Variants in CLASP1 observed in about 807,000 individuals in gnomAD.
CLASP1 encodes cytoplasmic linker associated protein 1.
CLASP1 carries 38 observed loss-of-function variants against 192.3 expected under a neutral mutation model. That is an observed-to-expected ratio of 0.20 (90% CI 0.15 to 0.26). The LOEUF is 0.26. CLASP1 is among the 10% of genes least tolerant of loss of function. The probability of loss-of-function intolerance (pLI) is 1.00; values close to 1 mark genes in which losing one functional copy is unlikely to be tolerated. For synonymous variants in CLASP1, 691 were observed against 712.8 expected (o/e 0.97, Z 0.49); for missense variants, 1,433 against 1,932.5 (o/e 0.74, Z 4.85).
intron 18 of CLASP1, 111 bp from the exon 19 acceptor site, chr2:121,447,618 A>C: frequency 1.1e-6 from 1 of 932,130 alleles, no homozygotes; most frequent in Non-Finnish European, 1.6e-6. Flanking sequence ...AAGTTTTAAC[A>C]AATGCTGGAG....
At chr2:121,575,306 C>T (rs2060406297) in intron 2 of CLASP1, among the ~76,000 whole-genome samples, 1 of 151,910 alleles carries the variant, frequency 6.6e-6, no homozygotes, top group African/African-American at 2.4e-5. Context: ...AGGGTTTCAC[C>T]GTGTTGGCCA....
At chr2:121,447,256 G>A in intron 19 of CLASP1, 81 bp downstream of exon 19, 1 of 1,268,186 alleles carries the variant, frequency 7.9e-7, no homozygotes, top group East Asian at 2.5e-5. Context: ...CCTCAATCAT[G>A]GGTTTGTATT....
chr2:121,372,806 T>C (rs2069030762), intron 34 of CLASP1, among the ~76,000 whole-genome samples: 1 of 152,228 alleles, frequency 6.6e-6, no homozygotes, highest in South Asian at 2.1e-4. Context: ...GTCAAGGCAT[T>C]GGCTGGGAAT....
At chr2:121,565,720 C>T (rs1049482074) in intron 2 of CLASP1, among the ~76,000 whole-genome samples, 2 of 152,144 alleles carry the variant, frequency 1.3e-5, no homozygotes, top group African/African-American at 4.8e-5. Flanking sequence ...CATTATCTGA[C>T]TTAGCAACTC....
At position 121,402,063 on chromosome 2, in the gene CLASP1, A is replaced by G. The variant is rs116480228; in HGVS notation, c.2734-193T>C. ...GAGAGAAATTAACTTTTCTGTGTTT[A>G]ATCCTGAAGGCTTTTCTTTCTTAAA... On this transcript the variant is annotated intron_variant, in intron 26 of 39. Coordinates refer to ENST00000263710, the Ensembl canonical transcript of CLASP1. Among the ~76,000 whole-genome samples, 842 of 152,352 alleles carry G rather than the reference A, an allele frequency of 5.5e-3. 4 individuals are homozygous for G. Among genetic ancestry groups the G allele is most frequent in the Admixed American group, 9.9e-3 (151 of 15,302 alleles).
At chr2:121,356,561 C>T (rs1558850902) in intron 37 of CLASP1, among the ~76,000 whole-genome samples, 1 of 152,214 alleles carries the variant, frequency 6.6e-6, no homozygotes, top group Admixed American at 6.5e-5. Flanking sequence ...CTTTCTATGC[C>T]TCGGTTTTCC....
chr2:121,594,231 C>G (rs551179200), intron 2 of CLASP1, among the ~76,000 whole-genome samples: 1 of 148,906 alleles, frequency 6.7e-6, no homozygotes, highest in Admixed American at 6.7e-5. Context: ...ACCCGGGAGG[C>G]GGAGCTTTCA....
At chr2:121,631,081 C>T (rs573543577) in intron 1 of CLASP1, among the ~76,000 whole-genome samples, 12 of 144,914 alleles carry the variant, frequency 8.3e-5, no homozygotes, top group African/African-American at 2.6e-4. Flanking sequence ...ATGGCATGAA[C>T]CCGGGAGGTG....
intron 2 of CLASP1, among the ~76,000 whole-genome samples, chr2:121,569,206 T>C (rs945290766): frequency 2.0e-5 from 3 of 152,150 alleles, no homozygotes; most frequent in African/African-American, 7.2e-5. Context: ...GGCAAAGTAA[T>C]TGACTGAGGG....
intron 2 of CLASP1, among the ~76,000 whole-genome samples, chr2:121,537,259 G>A (rs1015403821): frequency 3.3e-5 from 5 of 152,004 alleles, no homozygotes; most frequent in African/African-American, 1.2e-4. Context: ...AGGCCTGGTG[G>A]CACAAGCCTG....
In CLASP1 at chr2:121,629,258, C is replaced by T. The variant is rs190350722; in HGVS notation, c.-286+20114G>A. ...ACAAAAAATTAGCCTGGCATGGTGGCAGGCACCTGCAGTCCCAGCTACTTG... is the reference window on the plus strand; with the variant it reads ...ACAAAAAATTAGCCTGGCATGGTGGTAGGCACCTGCAGTCCCAGCTACTTG... On this transcript the variant is annotated intron_variant, in intron 1 of 39. Transcript: ENST00000263710. Among the ~76,000 whole-genome samples the T allele has an allele frequency of 5.9e-5, 9 of 152,128 alleles. No homozygotes were observed. In the East Asian group the frequency reaches 1.7e-3, roughly 30 times the overall value.
intron 1 of CLASP1, among the ~76,000 whole-genome samples, chr2:121,647,541 C>T (rs2073394799): frequency 6.6e-6 from 1 of 152,084 alleles, no homozygotes; most frequent in Admixed American, 6.5e-5. Context: ...CTGAACTACA[C>T]TTAAAGAGAT....
intron 19 of CLASP1, among the ~76,000 whole-genome samples, chr2:121,434,418 C>A (rs2081968648): frequency 6.6e-6 from 1 of 151,942 alleles, no homozygotes; most frequent in Non-Finnish European, 1.5e-5. Flanking sequence ...GTGTATGTCA[C>A]CACGCCATAT....
At chr2:121,373,100 G>A (rs545825504) in intron 34 of CLASP1, among the ~76,000 whole-genome samples, 4 of 152,272 alleles carry the variant, frequency 2.6e-5, no homozygotes, top group African/African-American at 9.6e-5. Flanking sequence ...TCCAATGTTC[G>A]GTGAGGAACC....
intron 9 of CLASP1, among the ~76,000 whole-genome samples, chr2:121,467,586 CT>C (rs1389897383): frequency 2.6e-5 from 4 of 152,100 alleles, no homozygotes; most frequent in Non-Finnish European, 5.9e-5. Context: ...TGTTTGTTGG[CT>C]GCATGTTCAT....
At chr2:121,478,777 A>C (rs2092096383) in intron 8 of CLASP1, among the ~76,000 whole-genome samples, 2 of 62,600 alleles carry the variant, frequency 3.2e-5, no homozygotes, top group African/African-American at 6.1e-5. Flanking sequence ...CACCCCACAC[A>C]CACACCCCAC....
intron 2 of CLASP1, among the ~76,000 whole-genome samples, chr2:121,552,665 T>C (rs1023429236): frequency 1.3e-5 from 2 of 152,156 alleles, no homozygotes; most frequent in Admixed American, 6.5e-5. Flanking sequence ...ACAGTCAGAA[T>C]GGCTATTAAA....
chr2:121,578,417 A>G (rs1458048331), intron 2 of CLASP1, among the ~76,000 whole-genome samples: 1 of 92,514 alleles, frequency 1.1e-5, no homozygotes, highest in African/African-American at 4.4e-5. Flanking sequence ...GTGAGAGACT[A>G]TCTCCAAAAA....
rs138283212 is a variant in CLASP1, at chr2:121,538,484, C to T, written c.196-8159G>A. On this transcript the variant is annotated intron_variant, in intron 2 of 39. Transcript: ENST00000263710. ...TCATTCTGAATGGAAAATACAACTG[C>T]GTAAAAAAAAAATCTAGAAGGCGCT... is the stretch of plus-strand genomic sequence containing the variant. Among the ~76,000 whole-genome samples the T allele has an allele frequency of 7.3e-5, 11 of 150,020 alleles. No homozygotes were observed. In the East Asian group the frequency reaches 1.6e-3, roughly 22 times the overall value.
Sources: gnomAD v4.1 joint callset for allele counts (sites outside exome capture counted in the v4.1 genomes callset) on GRCh38, gnomAD v4.1.1 for gene constraint, MANE v1.5 for transcripts, NCBI Gene and HGNC (gene_info 2026-07-23, HGNC 2026-07-21) for gene names.